The following NRXN1 variants were observed in gnomAD, a reference collection of about 807,000 sequenced individuals.
NRXN1 encodes the protein neurexin 1.
A neutral mutation model predicts 150.9 loss-of-function variants in NRXN1; 39 were observed. The ratio of observed to expected loss-of-function variants is 0.26; its 90% confidence interval spans 0.20 to 0.34. The LOEUF (loss-of-function observed/expected upper bound fraction) is 0.34. Ranked by LOEUF, NRXN1 falls within the 10% of genes least tolerant of loss-of-function variation. The probability of loss-of-function intolerance (pLI) is 1.00; values close to 1 mark genes in which losing one functional copy is unlikely to be tolerated. For synonymous variants in NRXN1, 924 were observed against 757.0 expected, an observed-to-expected ratio of 1.22 and a Z score of -3.62; for missense variants, 1,815 against 1,949.9, an observed-to-expected ratio of 0.93 and a Z score of 1.30.
intron 12 of NRXN1, among the ~76,000 whole-genome samples, chr2:50,507,517 G>C (rs986719254): frequency 6.6e-6 from 1 of 151,642 alleles, no homozygotes; most frequent in Non-Finnish European, 1.5e-5. Context: ...GTAACTGCTA[G>C]TGAATCTATA....
intron 19 of NRXN1, among the ~76,000 whole-genome samples, chr2:50,072,952 C>T (rs1696524565): frequency 6.6e-6 from 1 of 152,154 alleles, no homozygotes; most frequent in Non-Finnish European, 1.5e-5. Context: ...CCTATGAAGA[C>T]AAACTTCAAA....
At chr2:50,111,179 A>G (rs116194344) in intron 18 of NRXN1, among the ~76,000 whole-genome samples, 175 of 152,324 alleles carry the variant, frequency 1.1e-3, no homozygotes, top group Non-Finnish European at 1.9e-3. Flanking sequence ...ATAGTAAAAT[A>G]ACAAAATTCT....
At chr2:50,263,063 T>C (rs772991129) in intron 17 of NRXN1, among the ~76,000 whole-genome samples, 21 of 151,846 alleles carry the variant, frequency 1.4e-4, no homozygotes, top group Non-Finnish European at 2.6e-4. Context: ...ACACACTGGC[T>C]GAATTTTGTC....
intron 17 of NRXN1, among the ~76,000 whole-genome samples, chr2:50,273,671 T>C (rs1441347354): frequency 6.6e-6 from 1 of 152,142 alleles, no homozygotes; most frequent in East Asian, 1.9e-4. Context: ...TAGTCAAGTA[T>C]AACCTTAATA....
chr2:50,261,328 T>C (rs889327408), intron 17 of NRXN1, among the ~76,000 whole-genome samples: 2 of 151,822 alleles, frequency 1.3e-5, no homozygotes, highest in Admixed American at 6.6e-5. Flanking sequence ...AACAAGTGTA[T>C]ATAACAAGGA....
intron 5 of NRXN1, among the ~76,000 whole-genome samples, chr2:50,804,496 G>A (rs1387753898): frequency 2.0e-5 from 3 of 152,128 alleles, no homozygotes; most frequent in Non-Finnish European, 4.4e-5. Flanking sequence ...GAGTCTCTCA[G>A]ACTCCAAAAT....
intron 2 of NRXN1, among the ~76,000 whole-genome samples, chr2:50,962,795 C>T (rs181891107): frequency 1.3e-5 from 2 of 151,470 alleles, no homozygotes; most frequent in Non-Finnish European, 3.0e-5. Context: ...ATTTTCGCTC[C>T]CAAATGATCT....
intron 8 of NRXN1, among the ~76,000 whole-genome samples, chr2:50,616,857 T>A (rs1271428394): frequency 6.6e-6 from 1 of 152,138 alleles, no homozygotes; most frequent in Non-Finnish European, 1.5e-5. Flanking sequence ...ATAAATGAAG[T>A]CATAATTAAG....
At chr2:50,402,994 C>G (rs367595770) in intron 17 of NRXN1, among the ~76,000 whole-genome samples, 1 of 151,974 alleles carries the variant, frequency 6.6e-6, no homozygotes, top group South Asian at 2.1e-4. Context: ...TGTAAGGGTG[C>G]GGATTGGGGG....
chr2:50,987,041 C>T (rs1489921399), intron 2 of NRXN1, among the ~76,000 whole-genome samples: 1 of 151,782 alleles, frequency 6.6e-6, no homozygotes, highest in Non-Finnish European at 1.5e-5. Context: ...TAAAAATGCA[C>T]TTATGTGACT....
intron 21 of NRXN1, among the ~76,000 whole-genome samples, chr2:50,005,023 C>G (rs953628967): frequency 6.6e-6 from 1 of 152,100 alleles, no homozygotes; most frequent in African/African-American, 2.4e-5. Flanking sequence ...GCCTGTTGCC[C>G]TGCAGCCAGG....
At chr2:50,339,544 C>T (rs572807814) in intron 17 of NRXN1, among the ~76,000 whole-genome samples, 1 of 152,320 alleles carries the variant, frequency 6.6e-6, no homozygotes, top group South Asian at 2.1e-4. Context: ...TCACAAATCT[C>T]ACCGATATTA....
chr2:50,785,151 A>C (rs1032536080), intron 5 of NRXN1, among the ~76,000 whole-genome samples: 14 of 152,036 alleles, frequency 9.2e-5, no homozygotes, highest in African/African-American at 3.1e-4. Flanking sequence ...GAAGGTGGAC[A>C]TCAGTAAGCC....
intron 5 of NRXN1, among the ~76,000 whole-genome samples, chr2:50,805,468 G>A (rs1359913799): frequency 2.6e-5 from 4 of 151,958 alleles, no homozygotes; most frequent in African/African-American, 2.4e-5. Context: ...CAGCCTGGCC[G>A]ACATGGCAAA....
intron 2 of NRXN1, among the ~76,000 whole-genome samples, chr2:50,969,037 C>T (rs749250930): frequency 6.6e-6 from 1 of 152,068 alleles, no homozygotes; most frequent in Non-Finnish European, 1.5e-5. Flanking sequence ...ACACTCCAAG[C>T]CTCTTCACAA....
At chr2:50,149,041 G>C (rs1488411771) in intron 18 of NRXN1, among the ~76,000 whole-genome samples, 1 of 151,744 alleles carries the variant, frequency 6.6e-6, no homozygotes, top group Non-Finnish European at 1.5e-5. Flanking sequence ...GCATAAAGTA[G>C]TGAAAATAGA....
intron 5 of NRXN1, among the ~76,000 whole-genome samples, chr2:50,877,647 A>G (rs1159253074): frequency 6.6e-6 from 1 of 151,952 alleles, no homozygotes; most frequent in African/African-American, 2.4e-5. Flanking sequence ...CTTGAAAACA[A>G]GCAATATAAT....
chr2:50,601,072 A>C (rs1451456236), intron 8 of NRXN1, among the ~76,000 whole-genome samples: 2 of 148,540 alleles, frequency 1.3e-5, no homozygotes, highest in Admixed American at 6.7e-5. Context: ...ACATCTTGGC[A>C]AAAAAAAAAT....
intron 12 of NRXN1, among the ~76,000 whole-genome samples, chr2:50,523,010 C>T (rs920005241): frequency 2.0e-5 from 3 of 152,200 alleles, no homozygotes; most frequent in South Asian, 2.1e-4. Flanking sequence ...GCTGGGATTA[C>T]AGGCGTGAGC....
Sources: allele counts gnomAD v4.1 joint callset (sites outside exome capture counted in the v4.1 genomes callset), GRCh38; gene constraint gnomAD v4.1.1; transcripts MANE v1.5; gene names NCBI Gene and HGNC (gene_info 2026-07-23, HGNC 2026-07-21).